Variants in IL1RAPL1 observed in about 807,000 individuals in gnomAD.
IL1RAPL1 encodes interleukin 1 receptor accessory protein like 1, also known as interleukin-1 receptor accessory protein-like 1.
A neutral mutation model predicts 48.4 loss-of-function variants in IL1RAPL1; 3 were observed. The observed-to-expected ratio is 0.06, with a 90% CI of 0.03 to 0.16. The LOEUF (loss-of-function observed/expected upper bound fraction) is 0.16. Among genes scored for constraint, IL1RAPL1 ranks in the 10% least tolerant of loss-of-function variants. The pLI, the probability that IL1RAPL1 is intolerant of heterozygous loss-of-function variation, is 1.00. For synonymous variants in IL1RAPL1, 185 were observed against 187.7 expected (o/e 0.99, Z 0.12); for missense variants, 349 against 530.6 (o/e 0.66, Z 3.36).
chrX:28,901,074 T>C (rs774973239), intron 2 of IL1RAPL1, among the ~76,000 whole-genome samples: 8 of 111,990 alleles, frequency 7.1e-5, no homozygotes, highest in Non-Finnish European at 1.5e-4. Context: ...CTATTGAATA[T>C]TGGAATTATA....
chrX:28,944,142 G>A (rs1215054761), intron 2 of IL1RAPL1, among the ~76,000 whole-genome samples: 1 of 109,855 alleles, frequency 9.1e-6, no homozygotes, highest in Non-Finnish European at 1.9e-5. Flanking sequence ...TATTATGGGG[G>A]CAGAAGCTCA....
intron 5 of IL1RAPL1, among the ~76,000 whole-genome samples, chrX:29,419,315 A>G (rs2147703974): frequency 9.0e-6 from 1 of 110,668 alleles, no homozygotes; most frequent in South Asian, 3.8e-4. Context: ...CAGGAAAATT[A>G]CTCAGATAAT....
intron 9 of IL1RAPL1, among the ~76,000 whole-genome samples, chrX:29,942,497 T>C (rs892111213): frequency 8.1e-5 from 9 of 111,374 alleles, no homozygotes; most frequent in African/African-American, 3.0e-4. Context: ...CTCCCTAAAC[T>C]GCACATTAGA....
chrX:29,348,376 C>T (rs1328338868), intron 3 of IL1RAPL1, among the ~76,000 whole-genome samples: 2 of 111,893 alleles, frequency 1.8e-5, no homozygotes, highest in Non-Finnish European at 3.8e-5. Flanking sequence ...GAGGATGTTG[C>T]ACCTATAATT....
intron 2 of IL1RAPL1, among the ~76,000 whole-genome samples, chrX:28,969,060 C>T (rs1013080474): frequency 4.5e-5 from 5 of 112,261 alleles, no homozygotes; most frequent in African/African-American, 1.6e-4. Flanking sequence ...GTATCAAACC[C>T]GTATGCTGTA....
intron 1 of IL1RAPL1, among the ~76,000 whole-genome samples, chrX:28,775,268 G>T (rs949539114): frequency 2.7e-5 from 3 of 111,917 alleles, no homozygotes; most frequent in African/African-American, 9.7e-5. Flanking sequence ...CAAGGTATTA[G>T]CAAGGCCATG....
chrX:29,354,176 C>G (rs1309232401), intron 3 of IL1RAPL1, among the ~76,000 whole-genome samples: 1 of 110,487 alleles, frequency 9.1e-6, no homozygotes, highest in East Asian at 2.8e-4. Flanking sequence ...AGTGACTTGT[C>G]AAAGCTTCCA....
intron 2 of IL1RAPL1, among the ~76,000 whole-genome samples, chrX:29,030,547 A>G (rs1569222989): frequency 9.0e-6 from 1 of 111,662 alleles, no homozygotes; most frequent in Non-Finnish European, 1.9e-5. Context: ...AAAATATTTT[A>G]TATTTTTGCC....
At chrX:29,625,643 G>C (rs1226195055) in intron 5 of IL1RAPL1, among the ~76,000 whole-genome samples, 2 of 111,743 alleles carry the variant, frequency 1.8e-5, no homozygotes, top group African/African-American at 6.5e-5. Context: ...CTCTCTCATT[G>C]AGAATGTCAC....
At chrX:29,220,992 T>C (rs920024352) in intron 2 of IL1RAPL1, among the ~76,000 whole-genome samples, 1 of 111,184 alleles carries the variant, frequency 9.0e-6, no homozygotes, top group South Asian at 3.8e-4. Flanking sequence ...GCTCCCTGGC[T>C]CAATGCAACC....
chrX:29,789,352 T>A (rs978087363), intron 6 of IL1RAPL1, among the ~76,000 whole-genome samples: 4 of 111,884 alleles, frequency 3.6e-5, no homozygotes, highest in Admixed American at 9.5e-5. Context: ...TTGTTAGAAA[T>A]GTGAACCTAG....
chrX:29,234,292 T>C (rs189112034), intron 2 of IL1RAPL1, among the ~76,000 whole-genome samples: 126 of 112,298 alleles, frequency 1.1e-3, no homozygotes, highest in Middle Eastern at 4.7e-3. Flanking sequence ...TATGCAGCAA[T>C]AAATAACAAT....
At chrX:29,936,781 A>G (rs1933040369) in intron 8 of IL1RAPL1, among the ~76,000 whole-genome samples, 1 of 111,794 alleles carries the variant, frequency 8.9e-6, no homozygotes, top group African/African-American at 3.2e-5. Flanking sequence ...TATTATTTGC[A>G]ATGTAATTCA....
intron 2 of IL1RAPL1, among the ~76,000 whole-genome samples, chrX:29,059,471 T>C (rs1386295473): frequency 1.8e-5 from 2 of 112,028 alleles, no homozygotes; most frequent in South Asian, 3.7e-4. Flanking sequence ...ATAGTTTTCA[T>C]AGGGCTTAAT....
intron 2 of IL1RAPL1, among the ~76,000 whole-genome samples, chrX:29,148,801 G>A (rs1377923253): frequency 2.7e-5 from 3 of 111,562 alleles, no homozygotes; most frequent in Non-Finnish European, 5.6e-5. Flanking sequence ...ATTTTCTGAA[G>A]CTTTCGGGAT....
intron 5 of IL1RAPL1, among the ~76,000 whole-genome samples, chrX:29,633,301 T>G (rs1163131874): frequency 9.0e-6 from 1 of 111,221 alleles, no homozygotes. Flanking sequence ...AACAGTAAAA[T>G]TAATCAATAT....
At chrX:29,602,926 A>C (rs778799864) in intron 5 of IL1RAPL1, among the ~76,000 whole-genome samples, 13 of 112,530 alleles carry the variant, frequency 1.2e-4, no homozygotes, top group Admixed American at 1.9e-4. Context: ...AAAGATTATG[A>C]TTTTTGATAA....
chrX:28,664,749 G>C (rs1377565003), intron 1 of IL1RAPL1, among the ~76,000 whole-genome samples: 1 of 111,637 alleles, frequency 9.0e-6, no homozygotes, highest in Admixed American at 9.6e-5. Flanking sequence ...CATTCAGTAT[G>C]GAATCAGGAA....
intron 2 of IL1RAPL1, among the ~76,000 whole-genome samples, chrX:28,793,697 A>C (rs1440925494): frequency 3.6e-5 from 4 of 111,539 alleles, no homozygotes. Context: ...TTATGGACAA[A>C]GTATGACTAT....
Sources: allele counts gnomAD v4.1 joint callset (sites outside exome capture counted in the v4.1 genomes callset), GRCh38; gene constraint gnomAD v4.1.1; transcripts MANE v1.5; gene names NCBI Gene and HGNC (gene_info 2026-07-23, HGNC 2026-07-21).